The following SCAPER variants were observed in gnomAD, a reference collection of about 807,000 sequenced individuals.
SCAPER encodes the protein S-phase cyclin A associated protein in the ER.
A neutral mutation model predicts 182.2 loss-of-function variants in SCAPER; 98 were observed. The observed-to-expected ratio is 0.54, with a 90% confidence interval of 0.46 to 0.64. SCAPER has a LOEUF of 0.64. SCAPER is among the 30% of genes least tolerant of loss of function. The probability of loss-of-function intolerance (pLI) is 0.00; values close to 1 mark genes in which losing one functional copy is unlikely to be tolerated. For synonymous variants in SCAPER, 605 were observed against 564.6 expected (o/e 1.07, Z -1.01); for missense variants, 1,432 against 1,690.0 (o/e 0.85, Z 2.68).
chr15:76,684,241 G>T (rs1352153296), intron 20 of SCAPER, among the ~76,000 whole-genome samples: 1 of 152,064 alleles, frequency 6.6e-6, no homozygotes, highest in Non-Finnish European at 1.5e-5. Flanking sequence ...TGGTATAAAT[G>T]TCCCAATTAA....
chr15:76,629,605 G>A (rs553879409), intron 21 of SCAPER, among the ~76,000 whole-genome samples: 10 of 152,342 alleles, frequency 6.6e-5, no homozygotes, highest in African/African-American at 1.9e-4. Context: ...TCCCAGGGAT[G>A]AAGCCAACTT....
intron 23 of SCAPER, among the ~76,000 whole-genome samples, chr15:76,520,003 T>C (rs2042719535): frequency 6.6e-6 from 1 of 152,194 alleles, no homozygotes; most frequent in Non-Finnish European, 1.5e-5. Context: ...TACTACAGTA[T>C]AGTTTCTCTC....
chr15:76,378,809 C>T (rs571589151), intron 28 of SCAPER, among the ~76,000 whole-genome samples: 1 of 152,170 alleles, frequency 6.6e-6, no homozygotes, highest in Non-Finnish European at 1.5e-5. Flanking sequence ...AATCGAGACA[C>T]CATAGTGTTT....
chr15:76,413,644 AAGAT>A (rs1293973211), intron 26 of SCAPER, among the ~76,000 whole-genome samples: 2 of 152,136 alleles, frequency 1.3e-5, no homozygotes, highest in African/African-American at 4.8e-5. Context: ...CAGTATAGTA[AAGAT>A]AGTGTCTATC....
chr15:76,839,517 C>T (rs189994297), intron 5 of SCAPER, among the ~76,000 whole-genome samples: 1 of 152,332 alleles, frequency 6.6e-6, no homozygotes, highest in Non-Finnish European at 1.5e-5. Context: ...TATCTTCTTA[C>T]ATCACCACCT....
intron 23 of SCAPER, among the ~76,000 whole-genome samples, chr15:76,538,952 T>G (rs914565763): frequency 6.6e-6 from 1 of 152,092 alleles, no homozygotes; most frequent in Admixed American, 6.5e-5. Context: ...CTAAATGTTA[T>G]GCTAATCATA....
At chr15:76,586,230 A>T (rs962027193) in intron 22 of SCAPER, among the ~76,000 whole-genome samples, 1 of 152,112 alleles carries the variant, frequency 6.6e-6, no homozygotes, top group Non-Finnish European at 1.5e-5. Flanking sequence ...GTAAAAGTGT[A>T]AAAAAAGATA....
At chr15:76,557,000 C>A (rs763274305) in intron 23 of SCAPER, among the ~76,000 whole-genome samples, 1 of 152,076 alleles carries the variant, frequency 6.6e-6, no homozygotes, top group African/African-American at 2.4e-5. Flanking sequence ...AGAGTGTAAT[C>A]CATTCACAAT....
At chr15:76,472,223 G>A in intron 24 of SCAPER, 1 of 533,658 alleles carries the variant, frequency 1.9e-6, no homozygotes, top group South Asian at 1.5e-5. Context: ...ACCCTAAAAA[G>A]TCCCCTGCAA....
chr15:76,648,742 CAGG>C (rs1457841238), intron 21 of SCAPER, among the ~76,000 whole-genome samples: 1 of 152,168 alleles, frequency 6.6e-6, no homozygotes, highest in African/African-American at 2.4e-5. Flanking sequence ...AATCCAGCTG[CAGG>C]AGTAGATAAG....
chr15:76,850,956 T>C (rs981600976), intron 4 of SCAPER, among the ~76,000 whole-genome samples: 6 of 148,832 alleles, frequency 4.0e-5, no homozygotes, highest in Non-Finnish European at 7.4e-5. Flanking sequence ...CCAAGGAAAC[T>C]AAGATCACAA....
At chr15:76,793,472 A>C in intron 8 of SCAPER, 1 of 523,546 alleles carries the variant, frequency 1.9e-6, no homozygotes. Flanking sequence ...AAAGGAAAGG[A>C]GCTGAAGGTT....
At chr15:76,420,410 C>A (rs1316856359) in intron 26 of SCAPER, among the ~76,000 whole-genome samples, 1 of 151,678 alleles carries the variant, frequency 6.6e-6, no homozygotes, top group Non-Finnish European at 1.5e-5. Context: ...CCTAAAGACT[C>A]CACCAAATAA....
At chr15:76,545,195 C>T (rs912755804) in intron 23 of SCAPER, among the ~76,000 whole-genome samples, 2 of 152,008 alleles carry the variant, frequency 1.3e-5, no homozygotes, top group Admixed American at 1.3e-4. Context: ...AGTCATTATT[C>T]TTGATGCTCT....
At chr15:76,733,194 G>A (rs1053553213) in intron 16 of SCAPER, 35 bp downstream of exon 16, 34 of 1,545,194 alleles carry the variant, frequency 2.2e-5, no homozygotes, top group Middle Eastern at 1.7e-4. Context: ...TATGACAGGT[G>A]CTCAAGCAAT....
intron 23 of SCAPER, among the ~76,000 whole-genome samples, chr15:76,551,144 G>T (rs1460690812): frequency 1.4e-4 from 21 of 152,118 alleles, no homozygotes; most frequent in Non-Finnish European, 4.4e-5. Context: ...ATGAAAATCA[G>T]TATGGAGGTT....
At chr15:76,588,796 T>G (rs1187908208) in intron 22 of SCAPER, among the ~76,000 whole-genome samples, 1 of 152,096 alleles carries the variant, frequency 6.6e-6, no homozygotes, top group Non-Finnish European at 1.5e-5. Context: ...GTGTGATTTT[T>G]GGGGGGGGTG....
At chr15:76,423,249 T>A (rs1225230706) in intron 26 of SCAPER, among the ~76,000 whole-genome samples, 1 of 152,232 alleles carries the variant, frequency 6.6e-6, no homozygotes, top group Non-Finnish European at 1.5e-5. Flanking sequence ...CATCTGGTCC[T>A]GGACTTTTTT....
intron 21 of SCAPER, among the ~76,000 whole-genome samples, chr15:76,656,564 A>G (rs920155848): frequency 1.3e-5 from 2 of 152,180 alleles, no homozygotes; most frequent in Non-Finnish European, 2.9e-5. Flanking sequence ...TGATATCTAG[A>G]GAACTCTCCA....
Sources: allele counts gnomAD v4.1 joint callset (sites outside exome capture counted in the v4.1 genomes callset), GRCh38; gene constraint gnomAD v4.1.1; transcripts MANE v1.5; gene names NCBI Gene and HGNC (gene_info 2026-07-23, HGNC 2026-07-21).